The following WDR17 variants were observed in gnomAD, a reference collection of about 807,000 sequenced individuals.
The protein encoded by WDR17 is WD repeat-containing protein 17.
A neutral mutation model predicts 161.7 loss-of-function variants in WDR17; 143 were observed. That is an observed-to-expected ratio of 0.88 (90% CI 0.77 to 1.02). The LOEUF (loss-of-function observed/expected upper bound fraction) is 1.02. Ranked by LOEUF, WDR17 falls within the 50% of genes least tolerant of loss-of-function variation. The probability of loss-of-function intolerance (pLI) is 0.00; values close to 1 mark genes in which losing one functional copy is unlikely to be tolerated. For missense variants in WDR17, 1,469 were observed against 1,520.9 expected (o/e 0.97, Z 0.57); for synonymous variants, 517 against 515.6 (o/e 1.00, Z -0.04).
At chr4:176,075,979 A>G (rs1181942657) in intron 1 of WDR17, among the ~76,000 whole-genome samples, 1 of 151,936 alleles carries the variant, frequency 6.6e-6, no homozygotes, top group African/African-American at 2.4e-5. Flanking sequence ...TGGCTCAAAA[A>G]AGGAAAAAAA....
chr4:176,177,962 G>A (rs1264148543), intron 28 of WDR17, among the ~76,000 whole-genome samples: 3 of 103,864 alleles, frequency 2.9e-5, no homozygotes, highest in African/African-American at 7.7e-5. Context: ...TCCAGCCTGG[G>A]CAACAAGAGT....
At chr4:176,113,637 TATC>T (rs1158326135) in intron 2 of WDR17, among the ~76,000 whole-genome samples, 3 of 152,022 alleles carry the variant, frequency 2.0e-5, no homozygotes, top group Non-Finnish European at 2.9e-5. Flanking sequence ...TTTTAAATAT[TATC>T]ATCTCAATTA....
rs1408348809 is a variant in WDR17, at chr4:176,155,547, T to G, written c.2461-532T>G. On this transcript the variant is annotated intron_variant, in intron 17 of 28. Coordinates refer to ENST00000508596, the MANE Select transcript of WDR17 (RefSeq NM_181265.4). ...TGTTTTTTTGTTTATTTGTTTGTGT[T>G]TTTTTTTTTTTTTTGGAGACGAAGT... Among the ~76,000 whole-genome samples the G allele has an allele frequency of 7.5e-5, 10 of 133,446 alleles. No individual in the cohort carries two copies. The South Asian group carries it at 9.8e-4, about 13-fold the overall frequency. 87.5% of individuals were successfully genotyped at this position (133,446 alleles called of 152,430 possible).
At chr4:176,078,552 A>C (rs981217162) in intron 1 of WDR17, among the ~76,000 whole-genome samples, 1 of 152,146 alleles carries the variant, frequency 6.6e-6, no homozygotes, top group Non-Finnish European at 1.5e-5. Flanking sequence ...GTATGCCTCT[A>C]TAGCACAGAT....
At chr4:176,068,632 G>T (rs1732824198) in intron 1 of WDR17, among the ~76,000 whole-genome samples, 1 of 152,098 alleles carries the variant, frequency 6.6e-6, no homozygotes, top group Non-Finnish European at 1.5e-5. Flanking sequence ...AGAAAAAAAG[G>T]AGGATATTGG....
At chr4:176,142,999 C>G (rs966284903) in intron 11 of WDR17, among the ~76,000 whole-genome samples, 1 of 152,192 alleles carries the variant, frequency 6.6e-6, no homozygotes, top group African/African-American at 2.4e-5. Context: ...CCAGCCTCAG[C>G]CTCCTGAGTA....
chr4:176,085,084 A>T (rs1735260552), intron 1 of WDR17, among the ~76,000 whole-genome samples: 1 of 151,860 alleles, frequency 6.6e-6, no homozygotes. Flanking sequence ...ATTCCTGGGC[A>T]TTTACATTTT....
chr4:176,080,031 G>A (rs1362386587), intron 1 of WDR17, among the ~76,000 whole-genome samples: 3 of 151,902 alleles, frequency 2.0e-5, no homozygotes, highest in Non-Finnish European at 2.9e-5. Flanking sequence ...AAGGCCCCAC[G>A]TTTCAATGCT....
At chr4:176,157,862 G>A (rs1366392271) in intron 18 of WDR17, among the ~76,000 whole-genome samples, 1 of 152,138 alleles carries the variant, frequency 6.6e-6, no homozygotes, top group African/African-American at 2.4e-5. Context: ...ACCAAGATTG[G>A]TGTATATGAA....
chr4:176,120,795 G>C (rs184564984), intron 4 of WDR17, among the ~76,000 whole-genome samples: 1 of 151,446 alleles, frequency 6.6e-6, no homozygotes, highest in Admixed American at 6.6e-5. Flanking sequence ...GAATGAAAGT[G>C]CTTTCTCAGG....
rs1208720734 is a variant in WDR17, at chr4:176,180,791, AT to A, written c.*1217del. The stretch of plus-strand genomic sequence containing the variant: ...ATGTTTGTAAATAGATATTGGTTGA[AT>A]TTTTGGATATATTATGTTGATTTAA... On this transcript the variant is annotated 3_prime_UTR_variant, in exon 29 of 29. Transcript: ENST00000508596. 6.6e-6 allele frequency: 1 copy of A among 152,208 alleles called. No homozygotes were observed. Among genetic ancestry groups the A allele is most frequent in the Admixed American group, 6.5e-5 (1 of 15,274 alleles). The allele number at this position is 152,208 out of a possible 1,614,324, so 9.4% of individuals were successfully genotyped here.
At chr4:176,171,954 C>T (rs558170192) in intron 23 of WDR17, among the ~76,000 whole-genome samples, 2 of 152,096 alleles carry the variant, frequency 1.3e-5, no homozygotes, top group South Asian at 2.1e-4. Flanking sequence ...TAAATTACAG[C>T]GTAGAGGACA....
rs764732554 is a variant in WDR17 at position 176,148,248 on chromosome 4, G to A, written c.1810G>A (p.Gly604Ser). The A allele has an allele frequency of 6.2e-7, 1 of 1,614,006 alleles. No homozygotes were observed. Among genetic ancestry groups the A allele is most frequent in the Non-Finnish European group, 8.5e-7 (1 of 1,179,946 alleles). The stretch of plus-strand genomic sequence containing the variant: ...TGAGATTCCATATCTGCTCATATCT[G>A]GCAGCTGGGACTATACTATAAAAGT... ...NTEIPYLLIS[G>S]SWDYTIKVWD... The change falls in exon 13 of 29, where the codon GGC becomes AGC. Residue 604 changes from glycine (G) to serine (S), a missense_variant. By Grantham distance (56) the Gly-to-Ser change is moderately conservative. Transcript: ENST00000508596.
At chr4:176,156,991 T>C (rs945796104) in intron 18 of WDR17, among the ~76,000 whole-genome samples, 3 of 152,182 alleles carry the variant, frequency 2.0e-5, no homozygotes, top group Non-Finnish European at 4.4e-5. Flanking sequence ...GGTCCTACCC[T>C]AATCCAGTAT....
At chr4:176,079,526 G>A (rs1181126414) in intron 1 of WDR17, among the ~76,000 whole-genome samples, 2 of 152,062 alleles carry the variant, frequency 1.3e-5, no homozygotes, top group African/African-American at 4.8e-5. Context: ...TTACTAAAAT[G>A]TCAACATACA....
At chr4:176,111,502 G>A in intron 1 of WDR17, 73 bp from the exon 2 acceptor site, 5 of 1,515,118 alleles carry the variant, frequency 3.3e-6, no homozygotes, top group Non-Finnish European at 4.5e-6. Context: ...GGTTGGGGAA[G>A]ATAGATGTAA....
intron 1 of WDR17, among the ~76,000 whole-genome samples, chr4:176,094,073 T>A (rs150829384): frequency 5.7e-4 from 87 of 152,188 alleles, no homozygotes; most frequent in Non-Finnish European, 8.5e-4. Context: ...GACAAAGTAC[T>A]TTTACTAATT....
At chr4:176,161,085 T>G in intron 20 of WDR17, 83 bp downstream of exon 20, 1 of 1,123,308 alleles carries the variant, frequency 8.9e-7, no homozygotes. Flanking sequence ...TAATTCATCC[T>G]TCTTTGTATA....
chr4:176,159,026 T>C (rs1748591548), intron 18 of WDR17, among the ~76,000 whole-genome samples: 1 of 152,144 alleles, frequency 6.6e-6, no homozygotes, highest in African/African-American at 2.4e-5. Flanking sequence ...CTCTATGAAA[T>C]TGGAGACTGT....
Sources: allele counts gnomAD v4.1 joint callset (sites outside exome capture counted in the v4.1 genomes callset), GRCh38; gene constraint gnomAD v4.1.1; transcripts MANE v1.5; gene names NCBI Gene and HGNC (gene_info 2026-07-23, HGNC 2026-07-21).